Variants in CHCHD3 observed in about 807,000 individuals in gnomAD.
CHCHD3 encodes coiled-coil-helix-coiled-coil-helix domain containing 3, also known as MICOS complex subunit MIC19.
A neutral mutation model predicts 38.2 loss-of-function variants in CHCHD3; 20 were observed. The ratio of observed to expected loss-of-function variants is 0.52; its 90% CI spans 0.37 to 0.76. The LOEUF (loss-of-function observed/expected upper bound fraction) is 0.76, where lower values mean the gene tolerates loss of function less well. Ranked by LOEUF, CHCHD3 falls within the 30% of genes least tolerant of loss-of-function variation. The pLI is 0.00. For synonymous variants in CHCHD3, 82 were observed against 100.0 expected, an observed-to-expected ratio of 0.82 and a Z score of 1.07; for missense variants, 245 against 279.2, an observed-to-expected ratio of 0.88 and a Z score of 0.87.
intron 4 of CHCHD3, among the ~76,000 whole-genome samples, chr7:132,902,559 A>G (rs1809696575): frequency 6.6e-6 from 1 of 152,200 alleles, no homozygotes; most frequent in Non-Finnish European, 1.5e-5. Context: ...TCAGCAAACT[A>G]TCACAAGGAC....
At chr7:132,972,104 C>A (rs558881922) in intron 4 of CHCHD3, among the ~76,000 whole-genome samples, 1 of 152,106 alleles carries the variant, frequency 6.6e-6, no homozygotes, top group Admixed American at 6.6e-5. Flanking sequence ...GAACTTTATA[C>A]CTCTAAACAT....
chr7:132,943,783 GA>G (rs779017893), intron 4 of CHCHD3, among the ~76,000 whole-genome samples: 1 of 152,118 alleles, frequency 6.6e-6, no homozygotes, highest in Non-Finnish European at 1.5e-5. Flanking sequence ...GGAAAGTTAT[GA>G]ATGAGCAATT....
intron 4 of CHCHD3, among the ~76,000 whole-genome samples, chr7:132,940,701 T>G (rs1187404148): frequency 1.3e-5 from 2 of 152,236 alleles, no homozygotes; most frequent in Non-Finnish European, 2.9e-5. Flanking sequence ...CAAGCCTCCA[T>G]TATTCACTTC....
chr7:132,954,334 A>G (rs927390230), intron 4 of CHCHD3, among the ~76,000 whole-genome samples: 1 of 152,150 alleles, frequency 6.6e-6, no homozygotes, highest in Admixed American at 6.5e-5. Context: ...GCATGGCAAC[A>G]TTTTGTCACC....
At chr7:133,039,781 C>T (rs1418790117) in intron 2 of CHCHD3, among the ~76,000 whole-genome samples, 1 of 152,160 alleles carries the variant, frequency 6.6e-6, no homozygotes, top group African/African-American at 2.4e-5. Context: ...CATGGCTGGT[C>T]AGAAGGAAGA....
chr7:133,042,380 A>T (rs1183385624), intron 2 of CHCHD3, among the ~76,000 whole-genome samples: 2 of 152,202 alleles, frequency 1.3e-5, no homozygotes, highest in Non-Finnish European at 2.9e-5. Flanking sequence ...AAGGCTTAAC[A>T]CCAAGAGAAC....
intron 6 of CHCHD3, among the ~76,000 whole-genome samples, chr7:132,827,838 T>C (rs1366457258): frequency 6.6e-6 from 1 of 152,216 alleles, no homozygotes; most frequent in Non-Finnish European, 1.5e-5. Context: ...TCCGTGCTGT[T>C]ACATGTATCG....
At chr7:132,906,788 G>A (rs1479001379) in intron 4 of CHCHD3, among the ~76,000 whole-genome samples, 2 of 152,154 alleles carry the variant, frequency 1.3e-5, no homozygotes, top group Admixed American at 1.3e-4. Flanking sequence ...TCTGTCACCT[G>A]AGGTAGCCTG....
intron 5 of CHCHD3, among the ~76,000 whole-genome samples, chr7:132,843,803 A>G (rs1226477146): frequency 6.6e-6 from 1 of 151,882 alleles, no homozygotes; most frequent in Non-Finnish European, 1.5e-5. Context: ...TGCAGTTCGT[A>G]GTAGGATATA....
At chr7:132,847,788 A>G (rs1225970483) in intron 5 of CHCHD3, among the ~76,000 whole-genome samples, 5 of 152,214 alleles carry the variant, frequency 3.3e-5, no homozygotes, top group African/African-American at 1.2e-4. Context: ...TTGTTTTATT[A>G]TAACTAGTAT....
Position 132,973,018 on chromosome 7 carries a change from A to G in CHCHD3, c.369+2151T>C, listed in dbSNP as rs529648405. 2.3e-4 allele frequency: 223 copies of G among 985,366 alleles called. No individual in the cohort carries two copies. In the African/African-American group the frequency reaches 3.7e-3, roughly 16 times the overall value. 61.0% of individuals were successfully genotyped at this position (985,366 alleles called of 1,614,324 possible). ...ATATTTTAGTTATGTTGAGTAACAA[A>G]TCTTTTGATACTTTCACATTTTTTT... On this transcript the variant is annotated intron_variant, in intron 4 of 7. Transcript: ENST00000262570.
At chr7:132,984,079 T>A (rs1477780952) in intron 3 of CHCHD3, among the ~76,000 whole-genome samples, 2 of 150,936 alleles carry the variant, frequency 1.3e-5, no homozygotes, top group Non-Finnish European at 3.0e-5. Context: ...GGTCTCCCTC[T>A]CCCTCTCTTT....
At chr7:132,970,117 A>T (rs1213795200) in intron 4 of CHCHD3, among the ~76,000 whole-genome samples, 2 of 152,126 alleles carry the variant, frequency 1.3e-5, no homozygotes, top group Non-Finnish European at 2.9e-5. Flanking sequence ...CCACTTAAAG[A>T]ACAGACTATG....
At chr7:132,935,266 C>T (rs545790608) in intron 4 of CHCHD3, among the ~76,000 whole-genome samples, 1 of 152,326 alleles carries the variant, frequency 6.6e-6, no homozygotes. Context: ...ACACAGATTT[C>T]GCTCAGCCAC....
chr7:132,928,269 C>T (rs1163534101), intron 4 of CHCHD3, among the ~76,000 whole-genome samples: 3 of 152,090 alleles, frequency 2.0e-5, no homozygotes, highest in African/African-American at 4.8e-5. Context: ...AGGAAGGGGC[C>T]AATTAACTTA....
intron 6 of CHCHD3, among the ~76,000 whole-genome samples, chr7:132,813,741 T>C (rs1003945346): frequency 6.6e-6 from 1 of 152,168 alleles, no homozygotes; most frequent in African/African-American, 2.4e-5. Flanking sequence ...TGAGAGTTGG[T>C]AACTGCTCAT....
chr7:133,004,314 A>C (rs1479023374), intron 3 of CHCHD3, among the ~76,000 whole-genome samples: 1 of 152,212 alleles, frequency 6.6e-6, no homozygotes, highest in Non-Finnish European at 1.5e-5. Flanking sequence ...AGAATTACCA[A>C]AACAAAACCA....
intron 6 of CHCHD3, among the ~76,000 whole-genome samples, chr7:132,804,981 A>C (rs760163552): frequency 2.6e-5 from 4 of 152,202 alleles, no homozygotes; most frequent in Non-Finnish European, 5.9e-5. Context: ...ATGCTTAGGC[A>C]CTGCTACTGG....
chr7:132,796,455 T>C lies in CHCHD3; in HGVS notation c.647A>G (p.Asn216Ser), dbSNP rs1049424076. ...ALATQYMHCV[N>S]HAKQSMLEKG... Reference sequence around the variant, plus strand: ...TGGCACACCTACCTGTTTGGCATGATTGACACAGTGCATATACTGGGTGGC... The same window carrying C: ...TGGCACACCTACCTGTTTGGCATGACTGACACAGTGCATATACTGGGTGGC... Residue 216 changes from asparagine to serine, a missense_variant, in exon 7 of 8, where the codon AAT becomes AGT. By Grantham distance (46) the Asn-to-Ser change is conservative (BLOSUM62 1). Transcript: ENST00000262570. 2.5e-6 allele frequency: 4 copies of C among 1,613,854 alleles called. No homozygotes were observed. Among genetic ancestry groups the C allele is most frequent in the Non-Finnish European group, 3.4e-6 (4 of 1,179,802 alleles).
Sources: allele counts gnomAD v4.1 joint callset (sites outside exome capture counted in the v4.1 genomes callset), GRCh38; gene constraint gnomAD v4.1.1; transcripts MANE v1.5; gene names NCBI Gene and HGNC (gene_info 2026-07-23, HGNC 2026-07-21).